SLC5A10: variants seen among roughly 807,000 people sequenced by gnomAD.
SLC5A10 encodes the protein sodium/mannose cotransporter SLC5A10.
Under a neutral mutation model 68.9 loss-of-function variants are expected in SLC5A10, and 55 were observed. That is an observed-to-expected ratio of 0.80 (90% CI 0.64 to 1.00). The LOEUF is 1.00. Among genes scored for constraint, SLC5A10 ranks in the 50% least tolerant of loss-of-function variants. The probability of loss-of-function intolerance (pLI) is 0.00; values close to 1 mark genes in which losing one functional copy is unlikely to be tolerated. For missense variants in SLC5A10, 732 were observed against 819.3 expected, an observed-to-expected ratio of 0.89 and a Z score of 1.30; for synonymous variants, 344 against 344.8, an observed-to-expected ratio of 1.00 and a Z score of 0.02.
Position 19,017,757 on chromosome 17 carries a change from C to G in SLC5A10, c.1242-1666C>G. On this transcript the variant is annotated intron_variant, in intron 11 of 14. Transcript: ENST00000395645. This position sits in a 1 kb window ranked among gnomAD's most constrained non-coding sequence, Gnocchi z 5.6. ...GGACTCGGAGAGATCTCAGACACCCCTCCTTGAGATGTTCCACAGTAACTG... is the reference window on the plus strand; with the variant it reads ...GGACTCGGAGAGATCTCAGACACCCGTCCTTGAGATGTTCCACAGTAACTG... 9.6e-6 allele frequency: 2 copies of G among 208,844 alleles called. No homozygotes were observed. The highest frequency in any genetic ancestry group is 8.3e-5 in the South Asian group (1 of 12,004). The allele number at this position is 208,844 out of a possible 1,614,324, so 12.9% of individuals were successfully genotyped here. A position where few individuals can be genotyped will look rare whatever the true frequency, so the allele number is the denominator to read the frequency against.
rs778828313 is a variant in SLC5A10, at chr17:18,976,903, C to T, written c.896C>T (p.Ala299Val). ...GCCCGGGACCTGAACCATGCCAAGG[C>T]GGGCTCCATCCTGGCCAGCTACCTC... ...LSARDLNHAK[A>V]GSILASYLKM... is the part of the protein sequence containing the mutation. Residue 299 changes from alanine to valine, a missense_variant, in exon 9 of 15, where the codon GCG becomes GTG. Transcript: ENST00000395645. The T allele has an allele frequency of 1.4e-5, 22 of 1,613,540 alleles. No individual in the cohort carries two copies. The highest frequency in any genetic ancestry group is 1.3e-4 in the Admixed American group (8 of 60,002).
Position 19,019,374 on chromosome 17 carries a change from C to T in SLC5A10, c.1242-49C>T, listed in dbSNP as rs375717181. 24 of 1,576,300 alleles carry T rather than the reference C, an allele frequency of 1.5e-5. No individual in the cohort carries two copies. In the African/African-American group the frequency reaches 2.5e-4, roughly 17 times the overall value. ...AGTGACCAGGGGAGGTGGGAGAGAG[C>T]TGAAGAGCCTCCCACGACGACCGCT... On this transcript the variant is annotated intron_variant, in intron 11 of 14. Transcript: ENST00000395645.
rs556220147 is a variant in SLC5A10, at chr17:18,968,980, G to A, written c.454-72G>A. ...CCGAGGCCCAGAGAGGGCCTTGCCCGAGGTCACCCAGGGAGTGGCTTGCTG... is the reference window on the plus strand; with the variant it reads ...CCGAGGCCCAGAGAGGGCCTTGCCCAAGGTCACCCAGGGAGTGGCTTGCTG... On this transcript the variant is annotated intron_variant, in intron 5 of 14. Transcript: ENST00000395645. This position sits in a 1 kb window ranked among gnomAD's most constrained non-coding sequence, Gnocchi z 4.1. 8.8e-6 allele frequency: 13 copies of A among 1,484,786 alleles called. No individual in the cohort carries two copies. Among genetic ancestry groups the A allele is most frequent in the Admixed American group, 8.0e-5 (4 of 49,988 alleles). 92.0% of individuals were successfully genotyped at this position (1,484,786 alleles called of 1,614,324 possible). A position where few individuals can be genotyped will look rare whatever the true frequency, so the allele number is the denominator to read the frequency against.
rs542844854 is a variant in SLC5A10 at position 19,000,856 on chromosome 17, C to T, written c.983-12554C>T. ...CAGGAAGCAGGCAGACAAAGCGCCC[C>T]GTCAGCATCCGTCAGTGTCCGGGCC... On this transcript the variant is annotated intron_variant, in intron 9 of 14. Coordinates refer to ENST00000395645, the MANE Select transcript of SLC5A10 (RefSeq NM_001042450.4). This position sits in a 1 kb window ranked among gnomAD's most constrained non-coding sequence, Gnocchi z 5.2. Among the ~76,000 whole-genome samples, 2 of 152,204 alleles carry T rather than the reference C, an allele frequency of 1.3e-5. No homozygotes were observed. The highest frequency in any genetic ancestry group is 1.9e-4 in the East Asian group (1 of 5,168).
At chr17:18,998,052 C>G (rs1296588835) in intron 9 of SLC5A10, among the ~76,000 whole-genome samples, 1 of 152,208 alleles carries the variant, frequency 6.6e-6, no homozygotes, top group Non-Finnish European at 1.5e-5. Context: ...CCCAGTGATA[C>G]GGAAGCCTGT....
Position 19,015,169 on chromosome 17 carries a change from C to T in SLC5A10, c.1211C>T (p.Ser404Phe). ...MDIWRRLRPR[S>F]GERELLLVGR... ...ATCTGGAGGCGGCTGCGTCCCCGCT[C>T]CGGCGAGCGGGAGCTCCTGCTGGTG... Residue 404 changes from serine to phenylalanine, a missense_variant, in exon 11 of 15, where the codon TCC becomes TTC. By Grantham distance (155) the Ser-to-Phe change is radical. Coordinates refer to ENST00000395645, the MANE Select transcript of SLC5A10 (RefSeq NM_001042450.4). The T allele has an allele frequency of 7.3e-7, 1 of 1,367,856 alleles. No individual in the cohort carries two copies. The highest frequency in any genetic ancestry group is 9.9e-7 in the Non-Finnish European group (1 of 1,006,556). The allele number at this position is 1,367,856 out of a possible 1,614,324, so 84.7% of individuals were successfully genotyped here.
intron 9 of SLC5A10, chr17:18,978,114 G>A (rs761408785): frequency 1.6e-5 from 24 of 1,517,186 alleles, no homozygotes; most frequent in Middle Eastern, 3.5e-4. Context: ...CTGCTGTCCC[G>A]GGCTAGTACA....
At chr17:19,005,149 A>G (rs1377603205) in intron 9 of SLC5A10, among the ~76,000 whole-genome samples, 25 of 152,178 alleles carry the variant, frequency 1.6e-4, no homozygotes, top group Admixed American at 1.6e-3. Flanking sequence ...AGTTGTGGAA[A>G]CAGGTCTAGG....
chr17:18,960,403 A>G (rs2042588043), intron 4 of SLC5A10, 145 bp from the exon 5 acceptor site: 1 of 715,922 alleles, frequency 1.4e-6, no homozygotes, highest in Admixed American at 2.3e-5. Flanking sequence ...CTGGGGCTGT[A>G]AGGGGTCAGT....
intron 9 of SLC5A10, chr17:18,988,246 C>T: frequency 6.2e-7 from 1 of 1,607,988 alleles, no homozygotes; most frequent in Non-Finnish European, 8.5e-7. Context: ...AGCCTGCTCA[C>T]CTTGAGGTGC....
intron 5 of SLC5A10, among the ~76,000 whole-genome samples, chr17:18,967,917 TAC>T (rs556808721): frequency 7.9e-5 from 11 of 140,096 alleles, no homozygotes; most frequent in South Asian, 2.6e-4. Flanking sequence ...GCCCTTCCTA[TAC>T]ACACACACAC....
chr17:18,982,708 G>A (rs2043170275), intron 9 of SLC5A10, among the ~76,000 whole-genome samples: 1 of 152,188 alleles, frequency 6.6e-6, no homozygotes, highest in African/African-American at 2.4e-5. Flanking sequence ...CAGGCCACAT[G>A]TGCTTAAAGG....
At chr17:19,011,647 G>A (rs965817367) in intron 9 of SLC5A10, among the ~76,000 whole-genome samples, 10 of 152,014 alleles carry the variant, frequency 6.6e-5, no homozygotes, top group Non-Finnish European at 8.8e-5. Flanking sequence ...GACGGGAGGG[G>A]GAAGAAGCTA....
intron 9 of SLC5A10, among the ~76,000 whole-genome samples, chr17:18,982,496 C>T (rs2043163909): frequency 6.6e-6 from 1 of 152,198 alleles, no homozygotes; most frequent in Non-Finnish European, 1.5e-5. Context: ...CGGGGCTGGC[C>T]CAAGAGGGGT....
At chr17:18,979,295 C>A (rs1045414342) in intron 9 of SLC5A10, 5 of 533,648 alleles carry the variant, frequency 9.4e-6, no homozygotes, top group South Asian at 9.1e-5. Flanking sequence ...CATAGGCTTG[C>A]GAAGGCACGG....
At position 18,968,498 on chromosome 17, in the gene SLC5A10, T is replaced by C. The variant is rs981445397; in HGVS notation, c.454-554T>C. On this transcript the variant is annotated intron_variant, in intron 5 of 14. Coordinates refer to ENST00000395645, the MANE Select transcript of SLC5A10 (RefSeq NM_001042450.4). The surrounding 1 kb of genome is among the most constrained non-coding windows in gnomAD (Gnocchi z 4.1). ...CTGGGAGGGCAGGGGCTGTGTCCAG[T>C]CAGTGTGGAGACCAGCTTCAGCCTG... Among the ~76,000 whole-genome samples the C allele has an allele frequency of 6.6e-6, 1 of 152,166 alleles. No individual in the cohort carries two copies. The highest frequency in any genetic ancestry group is 1.5e-5 in the Non-Finnish European group (1 of 68,028).
At position 19,000,794 on chromosome 17, in the gene SLC5A10, G is replaced by A. The variant is rs2043711395; in HGVS notation, c.983-12616G>A. 6.6e-6 allele frequency among the ~76,000 whole-genome samples: 1 copy of A among 152,182 alleles called. No homozygotes were observed. The highest frequency in any genetic ancestry group is 6.5e-5 in the Admixed American group (1 of 15,286). ...GGGAGGTGGAAGCATGGGCACGAGA[G>A]GTGATTCATGGGGAGAGATAAGGCA... On this transcript the variant is annotated intron_variant, in intron 9 of 14. Transcript: ENST00000395645. This position sits in a 1 kb window ranked among gnomAD's most constrained non-coding sequence, Gnocchi z 5.2.
chr17:18,996,426 G>T lies in SLC5A10; in HGVS notation c.983-16984G>T, dbSNP rs1363055235. Among the ~76,000 whole-genome samples the T allele has an allele frequency of 6.6e-6, 1 of 152,114 alleles. No homozygotes were observed. Among genetic ancestry groups the T allele is most frequent in the Non-Finnish European group, 1.5e-5 (1 of 68,024 alleles). On this transcript the variant is annotated intron_variant, in intron 9 of 14. Coordinates refer to ENST00000395645, the MANE Select transcript of SLC5A10 (RefSeq NM_001042450.4). This position sits in a 1 kb window ranked among gnomAD's most constrained non-coding sequence, Gnocchi z 4.4. ...ATGCCATCTGAAGAGGCCCAAGAAGGTTCTCTGGGTTAGGAAGTTCTCCTA... is the reference window on the plus strand; with the variant it reads ...ATGCCATCTGAAGAGGCCCAAGAAGTTTCTCTGGGTTAGGAAGTTCTCCTA...
At position 18,958,716 on chromosome 17, in the gene SLC5A10, G is replaced by A. The variant is rs775705647; in HGVS notation, c.146G>A (p.Gly49Asp). ...CGGGCCAGTAGGAACACGGTGAATG[G>A]CTACTTCCTGGCAGGCCGGGACATG... ...SCRASRNTVN[G>D]YFLAGRDMTW... Residue 49 changes from glycine to aspartate, a missense_variant, in exon 2 of 15, where the codon GGC becomes GAC. Gly to Asp is a moderately conservative substitution (Grantham distance 94). Transcript: ENST00000395645. 4 of 1,614,076 alleles carry A rather than the reference G, an allele frequency of 2.5e-6. No homozygotes were observed. The highest frequency in any genetic ancestry group is 3.4e-6 in the Non-Finnish European group (4 of 1,180,052).
Sources: gnomAD v4.1 joint callset for allele counts (sites outside exome capture counted in the v4.1 genomes callset) on GRCh38, gnomAD v4.1.1 for gene constraint, Gnocchi (gnomAD v3.1) non-coding constraint, MANE v1.5 for transcripts, NCBI Gene and HGNC (gene_info 2026-07-23, HGNC 2026-07-21) for gene names.